The following DOCK6 variants were observed in gnomAD, a reference collection of about 807,000 sequenced individuals.
DOCK6 encodes dedicator of cytokinesis 6.
A neutral mutation model predicts 230.3 loss-of-function variants in DOCK6; 167 were observed. The observed-to-expected ratio is 0.73, with a 90% CI of 0.64 to 0.82. The LOEUF (loss-of-function observed/expected upper bound fraction) is 0.82, where lower values mean the gene tolerates loss of function less well. Ranked by LOEUF, DOCK6 falls within the 40% of genes least tolerant of loss-of-function variation. The pLI is 0.00. For missense variants in DOCK6, 2,598 were observed against 2,825.8 expected, an observed-to-expected ratio of 0.92 and a Z score of 1.83; for synonymous variants, 1,148 against 1,185.0, an observed-to-expected ratio of 0.97 and a Z score of 0.64.
chr19:11,246,510 C>T (rs570709083), intron 7 of DOCK6, among the ~76,000 whole-genome samples: 10 of 152,216 alleles, frequency 6.6e-5, no homozygotes, highest in Admixed American at 1.3e-4. Context: ...TGGTCCCACC[C>T]GCCTCAGCCT....
At chr19:11,205,233 T>C (rs2079238611) in intron 39 of DOCK6, among the ~76,000 whole-genome samples, 1 of 152,188 alleles carries the variant, frequency 6.6e-6, no homozygotes, top group African/African-American at 2.4e-5. Flanking sequence ...TTTTTAATAC[T>C]TTGGGGTACA....
chr19:11,236,410 G>A lies in DOCK6; in HGVS notation c.2328C>T (p.Ser776=). The part of the protein sequence containing the change: ...LASPEPLVAF[S]HHVLDKLVRL... ...GCACGAGCTTGTCCAGCACGTGGTG[G>A]GAGAAGGCCACAAGGGGTTCGGGGC... is the stretch of plus-strand genomic sequence containing the variant. The change falls in exon 20 of 48, where the codon TCC becomes TCT. Residue 776 remains serine (S), a synonymous_variant. Coordinates refer to ENST00000294618, the MANE Select transcript of DOCK6 (RefSeq NM_020812.4). This position sits in a 1 kb window ranked among gnomAD's most constrained non-coding sequence, Gnocchi z 5.2. The A allele has an allele frequency of 6.3e-7, 1 of 1,588,714 alleles. No homozygotes were observed.
Position 11,202,144 on chromosome 19 carries a change from G to T in DOCK6, c.5452-19C>A, listed in dbSNP as rs1238150587. The T allele has an allele frequency of 3.2e-5, 52 of 1,611,086 alleles. No individual in the cohort carries two copies. The highest frequency in any genetic ancestry group is 4.2e-5 in the Non-Finnish European group (50 of 1,177,410). On this transcript the variant is annotated intron_variant, in intron 43 of 47. Coordinates refer to ENST00000294618, the MANE Select transcript of DOCK6 (RefSeq NM_020812.4). The surrounding 1 kb of genome is among the most constrained non-coding windows in gnomAD (Gnocchi z 5.3). ...TGTAGGCCTGGGCGCAGGGTCAGGT[G>T]TGAGGATCCCACAGCCCCAGCACGC...
rs371866100 is a variant in DOCK6, at chr19:11,215,653, C to G, written c.4021+148G>C. 3.6e-6 allele frequency: 5 copies of G among 1,393,192 alleles called. No homozygotes were observed. In the African/African-American group the frequency reaches 7.1e-5, roughly 20 times the overall value. The allele number at this position is 1,393,192 out of a possible 1,614,324, so 86.3% of individuals were successfully genotyped here. On this transcript the variant is annotated intron_variant, in intron 31 of 47. Transcript: ENST00000294618. Reference sequence around the variant, plus strand: ...CGAGTGACAGATGGGGACGCACAGGCGCATGTGTACGGTGATGATTTGTGG... The same window carrying G: ...CGAGTGACAGATGGGGACGCACAGGGGCATGTGTACGGTGATGATTTGTGG...
intron 31 of DOCK6, 113 bp from the exon 32 acceptor site, chr19:11,215,584 TG>T: frequency 7.6e-7 from 1 of 1,311,964 alleles, no homozygotes; most frequent in Non-Finnish European, 1.1e-6. Flanking sequence ...ATGAGGGCAC[TG>T]GGTGGAGCAG....
rs34301174 is a variant in DOCK6, at chr19:11,237,422, G to A, written c.2073+34C>T. On this transcript the variant is annotated intron_variant, in intron 18 of 47. Coordinates refer to ENST00000294618, the MANE Select transcript of DOCK6 (RefSeq NM_020812.4). ...TGACTCGGGAGTGCTTCTGGGGACA[G>A]TGCATTGGCAGGCAGGAGCTCCAGG... The A allele has an allele frequency of 0.27, 441,392 of 1,611,012 alleles. 63,797 individuals are homozygous for A. The highest frequency in any genetic ancestry group is 0.4 in the South Asian group (36,005 of 90,978).
At chr19:11,230,043 CAAAAAAAAAAAAA>C (rs74180012) in intron 22 of DOCK6, among the ~76,000 whole-genome samples, 2 of 46,450 alleles carry the variant, frequency 4.3e-5, no homozygotes, top group Non-Finnish European at 9.1e-5. Flanking sequence ...GACTCCATCT[CAAAAAAAAAAAAA>C]AAAAAAAAAG....
chr19:11,241,114 C>T (rs1394770401), intron 14 of DOCK6, among the ~76,000 whole-genome samples: 2 of 151,526 alleles, frequency 1.3e-5, no homozygotes, highest in African/African-American at 2.4e-5. Flanking sequence ...GGCGTGGTGG[C>T]ACATGCCTGT....
chr19:11,200,511 G>C lies in DOCK6; in HGVS notation c.5940-42C>G. On this transcript the variant is annotated intron_variant, in intron 46 of 47. Transcript: ENST00000294618. The surrounding 1 kb of genome is among the most constrained non-coding windows in gnomAD (Gnocchi z 4.3). ...GGGAGATGCTCAGAGACTCGCACAC[G>C]GGACTGAAAGCAAGACTAGGGGTGG... The C allele has an allele frequency of 6.3e-7, 1 of 1,592,444 alleles. No homozygotes were observed. Among genetic ancestry groups the C allele is most frequent in the Non-Finnish European group, 8.5e-7 (1 of 1,169,852 alleles).
At chr19:11,226,070 G>T (rs923722401) in intron 24 of DOCK6, among the ~76,000 whole-genome samples, 1 of 151,926 alleles carries the variant, frequency 6.6e-6, no homozygotes, top group African/African-American at 2.4e-5. Context: ...AGCCAATCTG[G>T]ACATAGCTGA....
intron 2 of DOCK6, among the ~76,000 whole-genome samples, chr19:11,253,314 G>A (rs377539689): frequency 4.6e-5 from 7 of 152,202 alleles, no homozygotes; most frequent in South Asian, 2.1e-4. Flanking sequence ...CCTCTCAGGC[G>A]AAAGTCACTC....
chr19:11,226,082 C>T (rs976472265), intron 24 of DOCK6, among the ~76,000 whole-genome samples: 5 of 152,026 alleles, frequency 3.3e-5, no homozygotes, highest in Admixed American at 2.0e-4. Context: ...CATAGCTGAG[C>T]CACATTCCTG....
intron 14 of DOCK6, 28 bp from the exon 15 acceptor site, chr19:11,238,332 A>G: frequency 6.4e-7 from 1 of 1,572,112 alleles, no homozygotes; most frequent in Non-Finnish European, 8.6e-7. Flanking sequence ...GGGGTGTCAG[A>G]GGGACAGGGG....
At chr19:11,242,989 G>A (rs550592319) in intron 13 of DOCK6, 70 bp downstream of exon 13, 35 of 1,558,642 alleles carry the variant, frequency 2.2e-5, no homozygotes, top group Non-Finnish European at 2.9e-5. Flanking sequence ...CACAGTAGGT[G>A]CTCTCAGTGT....
In DOCK6 at chr19:11,242,207, G is replaced by A. The variant is rs1283768883; in HGVS notation, c.1481C>T (p.Ala494Val). Residue 494 changes from alanine to valine, a missense_variant and splice_region_variant, in exon 14 of 48, where the codon GCC (alanine) becomes GTC (valine). Coordinates refer to ENST00000294618, the MANE Select transcript of DOCK6 (RefSeq NM_020812.4). ...SLLRRLRPVT[A>V]QLKIDISPAP... ...CGGAGAAATGTCGATCTTGAGCTGG[G>A]CTGGGAAGGGAAGAACCGGTTTGCA... The A allele has an allele frequency of 2.1e-6, 3 of 1,457,546 alleles. No individual in the cohort carries two copies. Among genetic ancestry groups the A allele is most frequent in the Admixed American group, 2.7e-5 (1 of 36,470 alleles). 90.3% of individuals were successfully genotyped at this position (1,457,546 alleles called of 1,614,324 possible). A position where few individuals can be genotyped will look rare whatever the true frequency, so the allele number is the denominator to read the frequency against.
intron 7 of DOCK6, among the ~76,000 whole-genome samples, chr19:11,246,911 C>T (rs1162303256): frequency 1.3e-5 from 2 of 152,158 alleles, no homozygotes; most frequent in Non-Finnish European, 2.9e-5. Context: ...TCTATTCAGC[C>T]AGCTCCTCTT....
At position 11,253,688 on chromosome 19, in the gene DOCK6, T is replaced by TC. The variant is rs754467322; in HGVS notation, c.82dup (p.Glu28GlyfsTer22). 2 of 1,471,564 alleles carry TC rather than the reference T, an allele frequency of 1.4e-6. No individual in the cohort carries two copies. The highest frequency in any genetic ancestry group is 1.8e-6 in the Non-Finnish European group (2 of 1,118,846). 91.2% of individuals were successfully genotyped at this position (1,471,564 alleles called of 1,614,324 possible). A position where few individuals can be genotyped will look rare whatever the true frequency, so the allele number is the denominator to read the frequency against. ...GCTGGAGTGGGGGGAGCCACTGCGTTCCCGGGACACCTGCTTCCGCACCTC... is the reference window on the plus strand; with the variant it reads ...GCTGGAGTGGGGGGAGCCACTGCGTTCCCCGGGACACCTGCTTCCGCACCTC... On this transcript the variant is annotated frameshift_variant, in exon 2 of 48. Coordinates refer to ENST00000294618, the MANE Select transcript of DOCK6 (RefSeq NM_020812.4). LOFTEE classifies it high-confidence loss of function.
chr19:11,243,652 C>T lies in DOCK6; in HGVS notation c.1163G>A (p.Gly388Asp), dbSNP rs1453318045. The change falls in exon 11 of 48, where the codon GGC becomes GAC. Residue 388 changes from glycine (G) to aspartate (D), a missense_variant. Physicochemically the swap from Gly to Asp is moderately conservative, Grantham distance 94. Coordinates refer to ENST00000294618, the MANE Select transcript of DOCK6 (RefSeq NM_020812.4). This position sits in a 1 kb window ranked among gnomAD's most constrained non-coding sequence, Gnocchi z 6.3. ...LAAEQFCTRL[G>D]RYRMPFAWTA... ...CCAGGCGAAGGGCATGCGGTAGCGG[C>T]CCAGGCGGGTGCAGAACTGCTCGGC... The T allele has an allele frequency of 6.2e-7, 1 of 1,612,708 alleles. No individual in the cohort carries two copies. The highest frequency in any genetic ancestry group is 8.5e-7 in the Non-Finnish European group (1 of 1,179,708).
chr19:11,209,052 C>T lies in DOCK6; in HGVS notation c.4803G>A (p.Gln1601=), dbSNP rs1239008636. 6.2e-7 allele frequency: 1 copy of T among 1,612,422 alleles called. No individual in the cohort carries two copies. The part of the protein sequence containing the change: ...GSPDLRLTWL[Q]NMAGKHAELG... ...GCTCCGCGTGCTTCCCGGCCATGTTCTGCAACCAGGTCAGCCGAAGGTCCG... is the reference window on the plus strand; with the variant it reads ...GCTCCGCGTGCTTCCCGGCCATGTTTTGCAACCAGGTCAGCCGAAGGTCCG... The change falls in exon 38 of 48, where the codon CAG becomes CAA. Residue 1601 remains glutamine, a synonymous_variant. Transcript: ENST00000294618.
Sources: gnomAD v4.1 joint callset for allele counts (sites outside exome capture counted in the v4.1 genomes callset) on GRCh38, gnomAD v4.1.1 for gene constraint, Gnocchi (gnomAD v3.1) non-coding constraint, MANE v1.5 for transcripts, NCBI Gene and HGNC (gene_info 2026-07-23, HGNC 2026-07-21) for gene names.